AQP7: variants seen among roughly 807,000 people sequenced by gnomAD.
The protein encoded by AQP7 is aquaporin-7.
Under a neutral mutation model 26.1 loss-of-function variants are expected in AQP7, and 22 were observed. The observed-to-expected ratio is 0.84, with a 90% CI of 0.60 to 1.20. AQP7 has a LOEUF of 1.20. Ranked by LOEUF, AQP7 falls within the 50% of genes most tolerant of loss-of-function variation. AQP7 has a pLI of 0.00. For missense variants in AQP7, 412 were observed against 457.5 expected, an observed-to-expected ratio of 0.90 and a Z score of 0.91; for synonymous variants, 167 against 181.7, an observed-to-expected ratio of 0.92 and a Z score of 0.65.
rs1219785051 is a variant in AQP7, at chr9:33,384,032, A to G, written c.*973T>C. 6.6e-6 allele frequency: 1 copy of G among 152,264 alleles called. No individual in the cohort carries two copies. The highest frequency in any genetic ancestry group is 2.4e-5 in the African/African-American group (1 of 41,448). The allele number at this position is 152,264 out of a possible 1,614,324, so 9.4% of individuals were successfully genotyped here. ...GGCCTGCACACAGTAGATGCACAAT[A>G]ATTATTGAAAGGCAAAATGCATGAG... On this transcript the variant is annotated 3_prime_UTR_variant, in exon 8 of 8. Transcript: ENST00000297988.
In AQP7 at chr9:33,384,313, C is replaced by T. The variant is rs1824552535; in HGVS notation, c.*692G>A. 4 of 152,150 alleles carry T rather than the reference C, an allele frequency of 2.6e-5. No individual in the cohort carries two copies. Among genetic ancestry groups the T allele is most frequent in the Admixed American group, 2.0e-4 (3 of 15,288 alleles). The allele number at this position is 152,150 out of a possible 1,614,324, so 9.4% of individuals were successfully genotyped here. A position where few individuals can be genotyped will look rare whatever the true frequency, so the allele number is the denominator to read the frequency against. On this transcript the variant is annotated 3_prime_UTR_variant, in exon 8 of 8. Coordinates refer to ENST00000297988, the MANE Select transcript of AQP7 (RefSeq NM_001170.3). ...CCAGGAAGAAGAAAGAGGAGCCCAA[C>T]CCCTTAACAGCCTTCAATCTATAAC... is the stretch of plus-strand genomic sequence containing the variant.
chr9:33,390,135 G>T (rs1407695149), intron 3 of AQP7, among the ~76,000 whole-genome samples: 1 of 152,068 alleles, frequency 6.6e-6, no homozygotes, highest in East Asian at 1.9e-4. Context: ...ACATGATCCC[G>T]CGAAGGGGCT....
intron 2 of AQP7, among the ~76,000 whole-genome samples, chr9:33,398,985 T>G (rs1826049778): frequency 6.6e-6 from 1 of 150,868 alleles, no homozygotes; most frequent in African/African-American, 2.4e-5. Context: ...TTTTTTTTTT[T>G]TTTGAGACAG....
chr9:33,389,960 G>A (rs953927103), intron 3 of AQP7, among the ~76,000 whole-genome samples: 8 of 150,732 alleles, frequency 5.3e-5, no homozygotes, highest in African/African-American at 9.8e-5. Flanking sequence ...CCCAAGACGC[G>A]GAGCTTGCAG....
At position 33,386,066 on chromosome 9, in the gene AQP7, C is replaced by T. The variant is rs76143126; in HGVS notation, c.525+11G>A. The stretch of plus-strand genomic sequence containing the variant: ...GGGCAGGGGGAGGGATACTCATCCT[C>T]GACCACTGACCTCATTCAGGAAGCC... On this transcript the variant is annotated intron_variant, in intron 6 of 7. Coordinates refer to ENST00000297988, the MANE Select transcript of AQP7 (RefSeq NM_001170.3). 1.7e-5 allele frequency: 28 copies of T among 1,612,588 alleles called. 1 individual carries two copies. The South Asian group carries it at 2.1e-4, about 12-fold the overall frequency.
In AQP7 at chr9:33,385,278, G is replaced by A. The variant is rs375356467; in HGVS notation, c.756C>T (p.Asn252=). 495 of 1,610,452 alleles carry A rather than the reference G, an allele frequency of 3.1e-4. 8 individuals carry two copies. In the South Asian group the frequency reaches 5.1e-3, roughly 17 times the overall value. Residue 252 remains asparagine, a synonymous_variant, in exon 8 of 8, where the codon AAC becomes AAT. Transcript: ENST00000297988. The part of the protein sequence containing the change: ...WGKQVFSNGE[N]WWWVPVVAPL... Reference sequence around the variant, plus strand: ...GTGCCACCACTGGCACCCACCACCAGTTCTCCCCATTGCTGCAGGCAAGAG... The same window carrying A: ...GTGCCACCACTGGCACCCACCACCAATTCTCCCCATTGCTGCAGGCAAGAG...
intron 1 of AQP7, 94 bp downstream of exon 1, chr9:33,402,279 A>ACCT (rs1826349002): frequency 6.6e-6 from 1 of 151,764 alleles, no homozygotes; most frequent in Non-Finnish European, 1.5e-5. Context: ...TCCCTCAGTC[A>ACCT]CCTCCTCCCT....
chr9:33,389,731 G>C (rs1825201731), intron 3 of AQP7, among the ~76,000 whole-genome samples: 1 of 152,100 alleles, frequency 6.6e-6, no homozygotes, highest in African/African-American at 2.4e-5. Context: ...CCCAGGAGAG[G>C]GTACAGGGTA....
chr9:33,398,738 T>C (rs1041181918), intron 2 of AQP7, among the ~76,000 whole-genome samples: 1 of 152,002 alleles, frequency 6.6e-6, no homozygotes, highest in African/African-American at 2.4e-5. Flanking sequence ...CAGCTGGTCA[T>C]GTGGTCTCAC....
At chr9:33,401,609 T>G (rs1458644735) in intron 1 of AQP7, 17 of 383,198 alleles carry the variant, frequency 4.4e-5, no homozygotes, top group Admixed American at 4.3e-4. Flanking sequence ...AGCCTCATAT[T>G]TGCGTGCTAT....
chr9:33,394,579 C>A (rs1825694395), intron 3 of AQP7, among the ~76,000 whole-genome samples: 1 of 151,170 alleles, frequency 6.6e-6, no homozygotes, highest in Non-Finnish European at 1.5e-5. Context: ...CTCACTGCAA[C>A]CTCCGCCTCC....
chr9:33,401,140 C>G, intron 2 of AQP7, 97 bp downstream of exon 2: 1 of 1,398,684 alleles, frequency 7.1e-7, no homozygotes, highest in South Asian at 1.2e-5. Context: ...GGGACAGCTG[C>G]CCCAAGGGAG....
intron 7 of AQP7, 31 bp downstream of exon 7, chr9:33,385,618 T>C: frequency 6.2e-7 from 1 of 1,608,898 alleles, no homozygotes; most frequent in Non-Finnish European, 8.5e-7. Flanking sequence ...ACAGAAAAAC[T>C]CAAAGGAATG....
At chr9:33,393,275 G>T (rs1825571927) in intron 3 of AQP7, among the ~76,000 whole-genome samples, 1 of 152,208 alleles carries the variant, frequency 6.6e-6, no homozygotes, top group Admixed American at 6.5e-5. Context: ...CTTGTGGATA[G>T]TCGCACAGCT....
At position 33,385,630 on chromosome 9, in the gene AQP7, G is replaced by A; in HGVS notation, c.743+19C>T. ...CCCACAGAAAAACTCAAAGGAATGG[G>A]CCTGGGCAGGGGCAGTACCTGAAGA... On this transcript the variant is annotated intron_variant, in intron 7 of 7. Coordinates refer to ENST00000297988, the MANE Select transcript of AQP7 (RefSeq NM_001170.3). The A allele has an allele frequency of 6.2e-7, 1 of 1,612,496 alleles. No individual in the cohort carries two copies. Among genetic ancestry groups the A allele is most frequent in the Non-Finnish European group, 8.5e-7 (1 of 1,179,604 alleles).
chr9:33,384,774 G>C lies in AQP7; in HGVS notation c.*231C>G. 1 of 512,318 alleles carries C rather than the reference G, an allele frequency of 2.0e-6. No individual in the cohort carries two copies. The highest frequency in any genetic ancestry group is 3.4e-6 in the Non-Finnish European group (1 of 293,326). The allele number at this position is 512,318 out of a possible 1,614,324, so 31.7% of individuals were successfully genotyped here. A position where few individuals can be genotyped will look rare whatever the true frequency, so the allele number is the denominator to read the frequency against. Reference sequence around the variant, plus strand: ...TCTTTCATCTCACCCTGTTCCTACTGAGGGCGCAGGTCATCTCTTCCCCAT... The same window carrying C: ...TCTTTCATCTCACCCTGTTCCTACTCAGGGCGCAGGTCATCTCTTCCCCAT... On this transcript the variant is annotated 3_prime_UTR_variant, in exon 8 of 8. Transcript: ENST00000297988.
chr9:33,388,661 A>G (rs1825098094), intron 3 of AQP7, among the ~76,000 whole-genome samples: 2 of 152,168 alleles, frequency 1.3e-5, no homozygotes, highest in Non-Finnish European at 2.9e-5. Context: ...CAATCTTATG[A>G]CTTAAGCACT....
chr9:33,387,320 G>C lies in AQP7; in HGVS notation c.145-228C>G, dbSNP rs2236546. ...TGAGCCACTGAGAGCCGGGTGGAGC[G>C]GCAGAGTTAGAAGCTCTTACGACAA... is the stretch of plus-strand genomic sequence containing the variant. On this transcript the variant is annotated intron_variant, in intron 3 of 7. Transcript: ENST00000297988. 2.2e-3 allele frequency among the ~76,000 whole-genome samples: 337 copies of C among 152,140 alleles called. 10 individuals are homozygous for C. The East Asian group carries it at 0.05, about 23-fold the overall frequency.
chr9:33,389,067 G>A (rs1476778619), intron 3 of AQP7, among the ~76,000 whole-genome samples: 7 of 139,236 alleles, frequency 5.0e-5, no homozygotes, highest in East Asian at 2.1e-4. Flanking sequence ...TTGCTCTGTC[G>A]CCCAAGCTGG....
Sources: gnomAD v4.1 joint callset for allele counts (sites outside exome capture counted in the v4.1 genomes callset) on GRCh38, gnomAD v4.1.1 for gene constraint, MANE v1.5 for transcripts, NCBI Gene and HGNC (gene_info 2026-07-23, HGNC 2026-07-21) for gene names.